The following CSE1L variants were observed in gnomAD, a reference collection of about 807,000 sequenced individuals.
CSE1L encodes the protein exportin-2.
Under a neutral mutation model 120.4 loss-of-function variants are expected in CSE1L, and 24 were observed. The observed-to-expected ratio is 0.20, with a 90% CI of 0.14 to 0.28. The LOEUF is 0.28. Ranked by LOEUF, CSE1L falls within the 10% of genes least tolerant of loss-of-function variation. The pLI is 1.00. For synonymous variants in CSE1L, 402 were observed against 398.3 expected, an observed-to-expected ratio of 1.01 and a Z score of -0.11; for missense variants, 830 against 1,145.2, an observed-to-expected ratio of 0.72 and a Z score of 3.97.
At chr20:49,078,514 T>C in intron 13 of CSE1L, 47 bp from the exon 14 acceptor site, 1 of 1,308,028 alleles carries the variant, frequency 7.6e-7, no homozygotes, top group Non-Finnish European at 1.1e-6. Context: ...TTGGAAGTAA[T>C]GATCCTTACC....
intron 19 of CSE1L, 102 bp from the exon 20 acceptor site, chr20:49,090,639 AG>A: frequency 1.2e-6 from 1 of 818,410 alleles, no homozygotes. Context: ...AGAAAAGGAT[AG>A]ATTATTACAG....
chr20:49,080,245 T>G (rs187193013), intron 14 of CSE1L, among the ~76,000 whole-genome samples: 45 of 151,620 alleles, frequency 3.0e-4, no homozygotes, highest in Non-Finnish European at 5.6e-4. Context: ...AATATCTGGT[T>G]GTTTTGTTTT....
chr20:49,072,042 C>T (rs139097380), intron 8 of CSE1L, among the ~76,000 whole-genome samples: 11 of 151,974 alleles, frequency 7.2e-5, no homozygotes, highest in African/African-American at 2.4e-4. Flanking sequence ...TTGGGATTAC[C>T]GGCGTGAGCC....
intron 21 of CSE1L, among the ~76,000 whole-genome samples, chr20:49,091,534 G>A (rs536827866): frequency 1.3e-5 from 2 of 152,084 alleles, no homozygotes; most frequent in East Asian, 3.9e-4. Flanking sequence ...AGGAGTTAAC[G>A]ACCAGCCTGG....
intron 16 of CSE1L, among the ~76,000 whole-genome samples, chr20:49,086,108 C>T (rs1177502391): frequency 6.6e-6 from 1 of 152,110 alleles, no homozygotes; most frequent in Non-Finnish European, 1.5e-5. Flanking sequence ...TGTATCCATC[C>T]ACCAGGCACT....
rs375472377 is a variant in CSE1L at position 49,075,303 on chromosome 20, C to A, written c.1133-15C>A. 5.7e-6 allele frequency: 9 copies of A among 1,592,160 alleles called. No individual in the cohort carries two copies. Among genetic ancestry groups the A allele is most frequent in the African/African-American group, 4.1e-5 (3 of 73,970 alleles). On this transcript the variant is annotated splice_polypyrimidine_tract_variant and intron_variant, in intron 11 of 24. Coordinates refer to ENST00000262982, the MANE Select transcript of CSE1L (RefSeq NM_001316.4). ...GTTTTTTTTCCCCATAATATATTTT[C>A]TTTTCATTTCATAGATATTGATACT...
chr20:49,093,637 C>A (rs1403950791), intron 22 of CSE1L, among the ~76,000 whole-genome samples: 1 of 144,858 alleles, frequency 6.9e-6, no homozygotes, highest in African/African-American at 2.6e-5. Context: ...GCAGAGAGGG[C>A]CAGGAATGGT....
At chr20:49,079,410 T>C (rs569142071) in intron 14 of CSE1L, among the ~76,000 whole-genome samples, 2 of 150,948 alleles carry the variant, frequency 1.3e-5, no homozygotes, top group South Asian at 4.2e-4. Context: ...GTATTTTTAG[T>C]AGTGATGGGG....
chr20:49,092,199 C>T, intron 22 of CSE1L, 72 bp downstream of exon 22: 1 of 778,272 alleles, frequency 1.3e-6, no homozygotes, highest in Non-Finnish European at 2.1e-6. Flanking sequence ...ATCAGTATCT[C>T]TGTCTTATAG....
At chr20:49,046,902 G>T (rs1319509921) in intron 1 of CSE1L, among the ~76,000 whole-genome samples, 2 of 152,252 alleles carry the variant, frequency 1.3e-5, no homozygotes, top group Non-Finnish European at 2.9e-5. Flanking sequence ...AGCTGCGGCT[G>T]CCTCGCGTCG....
intron 3 of CSE1L, among the ~76,000 whole-genome samples, chr20:49,065,857 G>A (rs543115435): frequency 7.7e-4 from 117 of 152,240 alleles, no homozygotes; most frequent in African/African-American, 2.6e-3. Context: ...GCCTCTCAAA[G>A]TGCTGGGATT....
chr20:49,075,528 T>C lies in CSE1L; in HGVS notation c.1335+8T>C. 3 of 1,611,606 alleles carry C rather than the reference T, an allele frequency of 1.9e-6. No individual in the cohort carries two copies. The highest frequency in any genetic ancestry group is 2.5e-6 in the Non-Finnish European group (3 of 1,177,792). ...AAAGCCCAAACACAGAAGGTAAATA[T>C]TTTTAATGTGGTTTTGTTTCTAAAA... On this transcript the variant is annotated splice_region_variant and intron_variant, in intron 12 of 24. Coordinates refer to ENST00000262982, the MANE Select transcript of CSE1L (RefSeq NM_001316.4).
chr20:49,095,089 G>T, intron 24 of CSE1L, 126 bp downstream of exon 24: 1 of 758,400 alleles, frequency 1.3e-6, no homozygotes, highest in Non-Finnish European at 2.2e-6. Flanking sequence ...TTGAGTTACA[G>T]CAAGCTTATT....
At chr20:49,055,733 T>A (rs1005528787) in intron 1 of CSE1L, among the ~76,000 whole-genome samples, 9 of 152,120 alleles carry the variant, frequency 5.9e-5, no homozygotes, top group Non-Finnish European at 1.0e-4. Flanking sequence ...AATAATAAAA[T>A]TTTTTAAATT....
At chr20:49,094,684 T>C in intron 23 of CSE1L, 48 bp from the exon 24 acceptor site, 1 of 1,338,848 alleles carries the variant, frequency 7.5e-7, no homozygotes, top group Non-Finnish European at 1.1e-6. Context: ...TTTTAAGTCT[T>C]CCGAGTATTT....
Position 49,061,279 on chromosome 20 carries a change from T to G in CSE1L, c.86-1923T>G, listed in dbSNP as rs2091850760. ...GCTCCGCCTCCCGGGTCCACGCCAT[T>G]CTCCTGCCTCAGCCTCCTGAGTAGC... On this transcript the variant is annotated intron_variant, in intron 2 of 24. Transcript: ENST00000262982. 2.0e-5 allele frequency among the ~76,000 whole-genome samples: 3 copies of G among 148,364 alleles called. No individual in the cohort carries two copies. In the South Asian group the frequency reaches 6.5e-4, roughly 32 times the overall value.
Position 49,070,288 on chromosome 20 carries a change from A to G in CSE1L, c.759A>G (p.Leu253=). 7.3e-7 allele frequency: 1 copy of G among 1,360,968 alleles called. No individual in the cohort carries two copies. The highest frequency in any genetic ancestry group is 1.3e-5 in the South Asian group (1 of 76,112). The allele number at this position is 1,360,968 out of a possible 1,614,324, so 84.3% of individuals were successfully genotyped here. A position where few individuals can be genotyped will look rare whatever the true frequency, so the allele number is the denominator to read the frequency against. The change falls in exon 8 of 25, where the codon TTA becomes TTG. Residue 253 remains leucine (L), a synonymous_variant. Transcript: ENST00000262982. ...TCTTAACATTGGATAATAAGCTTTT[A>G]CAAACTGATGTAAGTATTTAAAATG... ...HTLLTLDNKL[L]QTDDEEEAGL...
intron 14 of CSE1L, among the ~76,000 whole-genome samples, chr20:49,081,988 T>C (rs960943593): frequency 6.6e-6 from 1 of 152,210 alleles, no homozygotes; most frequent in African/African-American, 2.4e-5. Flanking sequence ...TATAGGTAAT[T>C]ACTGTAGTGA....
At chr20:49,094,053 T>C in intron 22 of CSE1L, 87 bp from the exon 23 acceptor site, 1 of 815,562 alleles carries the variant, frequency 1.2e-6, no homozygotes, top group Non-Finnish European at 1.9e-6. Flanking sequence ...ATTTATCATA[T>C]TCATAAGAAG....
Sources: allele counts gnomAD v4.1 joint callset (sites outside exome capture counted in the v4.1 genomes callset), GRCh38; gene constraint gnomAD v4.1.1; transcripts MANE v1.5; gene names NCBI Gene and HGNC (gene_info 2026-07-23, HGNC 2026-07-21).